TMEM74: variants seen among roughly 807,000 people sequenced by gnomAD.
TMEM74 encodes transmembrane protein 74.
In TMEM74, 13 loss-of-function variants were observed where a neutral mutation model predicts 18.1. The observed-to-expected ratio is 0.72, with a 90% CI of 0.47 to 1.14. The LOEUF (loss-of-function observed/expected upper bound fraction) is 1.14. Ranked by LOEUF, TMEM74 falls within the 50% of genes most tolerant of loss-of-function variation. The pLI, the probability that TMEM74 is intolerant of heterozygous loss-of-function variation, is 0.00. For synonymous variants in TMEM74, 159 were observed against 146.6 expected (o/e 1.08, Z -0.61); for missense variants, 372 against 375.9 (o/e 0.99, Z 0.09).
intron 2 of TMEM74, among the ~76,000 whole-genome samples, chr8:108,648,146 A>C (rs2130568551): frequency 6.6e-6 from 1 of 152,270 alleles, no homozygotes; most frequent in Middle Eastern, 3.4e-3. Flanking sequence ...ATGTGATGTC[A>C]CAAATCCTCC....
At chr8:108,612,116 C>T (rs1016766570) in intron 2 of TMEM74, among the ~76,000 whole-genome samples, 1 of 152,064 alleles carries the variant, frequency 6.6e-6, no homozygotes, top group Non-Finnish European at 1.5e-5. Flanking sequence ...TGGGCCCCTT[C>T]CACGACATTT....
intron 1 of TMEM74, among the ~76,000 whole-genome samples, chr8:108,746,862 G>T (rs1813853174): frequency 6.6e-6 from 1 of 152,140 alleles, no homozygotes; most frequent in African/African-American, 2.4e-5. Context: ...TGATGGGAAG[G>T]TGGCAAGTCT....
intron 1 of TMEM74, among the ~76,000 whole-genome samples, chr8:108,661,714 C>T (rs1812901657): frequency 6.6e-6 from 1 of 152,050 alleles, no homozygotes; most frequent in South Asian, 2.1e-4. Flanking sequence ...TCTGGAAGCA[C>T]TAAATCAATG....
intron 1 of TMEM74, among the ~76,000 whole-genome samples, chr8:108,760,130 G>A (rs1043559740): frequency 1.3e-5 from 2 of 151,360 alleles, no homozygotes; most frequent in African/African-American, 4.9e-5. Flanking sequence ...GCAGGATTGC[G>A]CCACTGTTCT....
chr8:108,678,537 T>C (rs1391710101), intron 1 of TMEM74, among the ~76,000 whole-genome samples: 1 of 150,814 alleles, frequency 6.6e-6, no homozygotes, highest in Non-Finnish European at 1.5e-5. Context: ...GCTATTTTTT[T>C]TTTTTTTGTA....
chr8:108,774,677 T>C (rs913773005), downstream of TMEM74, among the ~76,000 whole-genome samples: 1 of 152,152 alleles, frequency 6.6e-6, no homozygotes, highest in African/African-American at 2.4e-5. Context: ...TTTAGGCTGC[T>C]GTTCTCTAGC....
At chr8:108,700,153 G>GTGTA (rs1813321552) in intron 1 of TMEM74, among the ~76,000 whole-genome samples, 1 of 151,808 alleles carries the variant, frequency 6.6e-6, no homozygotes, top group Admixed American at 6.6e-5. Flanking sequence ...GTGTGTGTGT[G>GTGTA]TGTGTGTGTG....
At chr8:108,716,904 C>T (rs1460376971) in intron 1 of TMEM74, among the ~76,000 whole-genome samples, 2 of 151,536 alleles carry the variant, frequency 1.3e-5, no homozygotes, top group Non-Finnish European at 2.9e-5. Context: ...TATTTCAGAG[C>T]ATATTATACA....
chr8:108,607,441 A>G (rs1812287557), exon 4 of TMEM74: 1 of 152,236 alleles, frequency 6.6e-6, no homozygotes, highest in Non-Finnish European at 1.5e-5. Context: ...AAACAAACAT[A>G]TAGACTAACA....
chr8:108,695,962 TCCACTTTTATCA>T (rs1355021634), intron 1 of TMEM74, among the ~76,000 whole-genome samples: 6 of 152,294 alleles, frequency 3.9e-5, no homozygotes, highest in Admixed American at 3.9e-4. Context: ...TGCTGTTAAA[TCCACTTTTATCA>T]CCTACTCCGA....
chr8:108,754,927 T>A (rs1177943660), intron 1 of TMEM74, among the ~76,000 whole-genome samples: 1 of 152,008 alleles, frequency 6.6e-6, no homozygotes, highest in East Asian at 1.9e-4. Context: ...TCTGCCTTTT[T>A]GTTCTATTCA....
chr8:108,629,559 A>G (rs185003507), intron 2 of TMEM74, among the ~76,000 whole-genome samples: 1 of 152,192 alleles, frequency 6.6e-6, no homozygotes, highest in East Asian at 1.9e-4. Flanking sequence ...GAAATGAGGG[A>G]AAAATTATTA....
intron 1 of TMEM74, among the ~76,000 whole-genome samples, chr8:108,666,790 G>A (rs2173254): frequency 0.73 from 111,609 of 151,972 alleles, 41,675 homozygotes; most frequent in East Asian, 0.98. Flanking sequence ...TAACCGACCA[G>A]ACAGAATCCT....
At chr8:108,714,363 T>C (rs1382515220) in intron 1 of TMEM74, among the ~76,000 whole-genome samples, 1 of 152,178 alleles carries the variant, frequency 6.6e-6, no homozygotes, top group Non-Finnish European at 1.5e-5. Context: ...AATACAATTG[T>C]ATGGAGTTCA....
At chr8:108,757,193 C>T (rs1158131914) in intron 1 of TMEM74, among the ~76,000 whole-genome samples, 1 of 151,984 alleles carries the variant, frequency 6.6e-6, no homozygotes. Context: ...GGGTCTAAAA[C>T]ACCTCATCCA....
At chr8:108,698,285 T>C (rs1029301483) in intron 1 of TMEM74, among the ~76,000 whole-genome samples, 1 of 152,206 alleles carries the variant, frequency 6.6e-6, no homozygotes, top group Non-Finnish European at 1.5e-5. Flanking sequence ...CTTTATCCAT[T>C]TCCAAATTTA....
intron 2 of TMEM74, among the ~76,000 whole-genome samples, chr8:108,648,912 C>T (rs578010374): frequency 2.6e-5 from 4 of 151,984 alleles, no homozygotes; most frequent in East Asian, 1.9e-4. Flanking sequence ...ACACAGGAAC[C>T]GCTAAACAAT....
chr8:108,718,693 T>A (rs1255433393), intron 1 of TMEM74, among the ~76,000 whole-genome samples: 2 of 152,160 alleles, frequency 1.3e-5, no homozygotes, highest in Non-Finnish European at 2.9e-5. Context: ...GAAATGTTGG[T>A]ATATGTATAA....
At chr8:108,759,436 A>G (rs1158032081) in intron 1 of TMEM74, among the ~76,000 whole-genome samples, 3 of 152,144 alleles carry the variant, frequency 2.0e-5, no homozygotes, top group Non-Finnish European at 4.4e-5. Context: ...AAAGGTAAAT[A>G]TAGAAAGGTA....
Sources: gnomAD v4.1 joint callset for allele counts (sites outside exome capture counted in the v4.1 genomes callset) on GRCh38, gnomAD v4.1.1 for gene constraint, MANE v1.5 for transcripts, NCBI Gene and HGNC (gene_info 2026-07-23, HGNC 2026-07-21) for gene names.